LMF1: variants seen among roughly 807,000 people sequenced by gnomAD.
LMF1 encodes lipase maturation factor 1, also known as transmembrane protein 112.
A neutral mutation model predicts 60.6 loss-of-function variants in LMF1; 68 were observed. The observed-to-expected ratio is 1.12, with a 90% CI of 0.92 to 1.37. The LOEUF (loss-of-function observed/expected upper bound fraction) is 1.37. LMF1 is among the 40% of genes most tolerant of loss of function. The pLI is 0.00. For synonymous variants in LMF1, 418 were observed against 324.7 expected (o/e 1.29, Z -3.09); for missense variants, 948 against 767.2 (o/e 1.24, Z -2.78).
intron 4 of LMF1, chr16:905,291 G>A (rs1249952841): frequency 1.9e-5 from 3 of 157,040 alleles, no homozygotes; most frequent in Non-Finnish European, 4.1e-5. Context: ...GGGGACGCCT[G>A]TCTCTGCTGC....
At chr16:954,123 C>A in intron 2 of LMF1, 1 of 653,888 alleles carries the variant, frequency 1.5e-6, no homozygotes, top group Admixed American at 2.1e-5. Flanking sequence ...GCAACGCAGT[C>A]CTTTAAGTAA....
intron 4 of LMF1, among the ~76,000 whole-genome samples, chr16:908,372 TGGCCAAC>T (rs1255812281): frequency 1.3e-5 from 2 of 152,182 alleles, no homozygotes; most frequent in Non-Finnish European, 1.5e-5. Flanking sequence ...CAACAAGCCA[TGGCCAAC>T]TGTCTGCAGC....
At chr16:892,812 C>T (rs1007293433) in intron 5 of LMF1, among the ~76,000 whole-genome samples, 195 bp downstream of exon 5, 3 of 152,180 alleles carry the variant, frequency 2.0e-5, no homozygotes, top group Non-Finnish European at 4.4e-5. Flanking sequence ...GGCCACAGAC[C>T]CCGTCCCCGC....
intron 4 of LMF1, among the ~76,000 whole-genome samples, chr16:904,531 C>T (rs2070920486): frequency 1.3e-5 from 1 of 78,794 alleles, no homozygotes; most frequent in Non-Finnish European, 2.3e-5. Flanking sequence ...GTGACCTCTG[C>T]ATCGCCCACA....
At chr16:947,666 A>G in intron 2 of LMF1, 1 of 448,754 alleles carries the variant, frequency 2.2e-6, no homozygotes, top group South Asian at 1.6e-5. Context: ...GGGTCGAGAC[A>G]GTGGGGAAGG....
chr16:879,358 G>T (rs964224415), intron 6 of LMF1, among the ~76,000 whole-genome samples: 1 of 152,190 alleles, frequency 6.6e-6, no homozygotes, highest in Non-Finnish European at 1.5e-5. Flanking sequence ...CCAGTCCTTG[G>T]AGGAAGCCTG....
intron 10 of LMF1, chr16:855,904 G>C (rs951671020): frequency 2.4e-5 from 11 of 455,880 alleles, no homozygotes; most frequent in African/African-American, 2.2e-4. Flanking sequence ...GGCAGGGTGA[G>C]GGCCTCTGGG....
At chr16:951,472 A>C (rs1392914556) in intron 2 of LMF1, among the ~76,000 whole-genome samples, 4 of 152,222 alleles carry the variant, frequency 2.6e-5, no homozygotes, top group African/African-American at 9.6e-5. Context: ...TTTATGTAAC[A>C]GGAAGGCCAG....
chr16:927,650 C>A (rs2079939233), intron 3 of LMF1, among the ~76,000 whole-genome samples: 1 of 152,312 alleles, frequency 6.6e-6, no homozygotes, highest in Admixed American at 6.5e-5. Flanking sequence ...ACTGGGGCTG[C>A]TTGGTGGAGC....
At chr16:957,923 G>A (rs988934369) in intron 1 of LMF1, among the ~76,000 whole-genome samples, 13 of 152,194 alleles carry the variant, frequency 8.5e-5, no homozygotes, top group African/African-American at 2.9e-4. Context: ...CAGGAGGATC[G>A]CTTGAGCCCA....
chr16:871,274 C>T lies in LMF1; in HGVS notation c.965G>A (p.Cys322Tyr). The change falls in exon 7 of 11, where the codon TGC becomes TAC. Residue 322 changes from cysteine (C) to tyrosine (Y), a missense_variant. Cys to Tyr is a radical substitution (Grantham distance 194). Transcript: ENST00000262301. ...NWLTMVPSLA[C>Y]FDDATLGFLF... ...GAATCCCAGGGTGGCGTCATCAAAG[C>T]AGGCCAGGCTGGGCACCATAGTCAG... The T allele has an allele frequency of 6.2e-7, 1 of 1,612,604 alleles. No individual in the cohort carries two copies. Among genetic ancestry groups the T allele is most frequent in the Non-Finnish European group, 8.5e-7 (1 of 1,179,828 alleles).
chr16:918,568 G>A (rs1186021559), intron 3 of LMF1, among the ~76,000 whole-genome samples: 3 of 152,160 alleles, frequency 2.0e-5, no homozygotes, highest in Non-Finnish European at 4.4e-5. Flanking sequence ...TGGCTGAAGT[G>A]TGCCGAGCCT....
upstream of LMF1, among the ~76,000 whole-genome samples, chr16:974,464 G>A (rs2073098231): frequency 6.6e-6 from 1 of 152,220 alleles, no homozygotes; most frequent in African/African-American, 2.4e-5. Flanking sequence ...GGGGAGTGGA[G>A]ATGAGGCTCG....
At chr16:890,669 G>A (rs2070455591) in intron 5 of LMF1, among the ~76,000 whole-genome samples, 1 of 152,226 alleles carries the variant, frequency 6.6e-6, no homozygotes, top group Non-Finnish European at 1.5e-5. Flanking sequence ...GCTCAGCCAT[G>A]TGGGCACAGG....
upstream of LMF1, among the ~76,000 whole-genome samples, chr16:971,575 C>T (rs887639063): frequency 1.3e-5 from 2 of 152,216 alleles, no homozygotes; most frequent in Non-Finnish European, 2.9e-5. Flanking sequence ...CCTGCCTGCC[C>T]TTGGGACTGG....
At chr16:941,105 G>T (rs1046764383) in intron 2 of LMF1, among the ~76,000 whole-genome samples, 3 of 152,088 alleles carry the variant, frequency 2.0e-5, no homozygotes, top group Non-Finnish European at 4.4e-5. Context: ...AGCCACTCTA[G>T]CTTTCCAGTA....
chr16:964,462 T>G (rs1342358559), intron 1 of LMF1, among the ~76,000 whole-genome samples: 1 of 152,182 alleles, frequency 6.6e-6, no homozygotes, highest in African/African-American at 2.4e-5. Flanking sequence ...TGACCTCAAG[T>G]ATTTTTTCTT....
At chr16:864,133 A>G (rs893838848) in intron 10 of LMF1, among the ~76,000 whole-genome samples, 1 of 152,216 alleles carries the variant, frequency 6.6e-6, no homozygotes, top group Non-Finnish European at 1.5e-5. Context: ...TGCTTAGTGC[A>G]CACACTTAGG....
intron 2 of LMF1, among the ~76,000 whole-genome samples, chr16:951,526 T>C (rs1251438581): frequency 6.6e-6 from 1 of 152,278 alleles, no homozygotes; most frequent in Non-Finnish European, 1.5e-5. Flanking sequence ...CTTAGAGTTT[T>C]ATGCAACAAT....
Sources: allele counts gnomAD v4.1 joint callset (sites outside exome capture counted in the v4.1 genomes callset), GRCh38; gene constraint gnomAD v4.1.1; transcripts MANE v1.5; gene names NCBI Gene and HGNC (gene_info 2026-07-23, HGNC 2026-07-21).